The following ARMC6 variants were observed in gnomAD, a reference collection of about 807,000 sequenced individuals.
The protein encoded by ARMC6 is armadillo repeat containing 6.
A neutral mutation model predicts 49.2 loss-of-function variants in ARMC6; 43 were observed. The ratio of observed to expected loss-of-function variants is 0.87; its 90% CI spans 0.69 to 1.13. The LOEUF (loss-of-function observed/expected upper bound fraction) is 1.13, where lower values mean the gene tolerates loss of function less well. Ranked by LOEUF, ARMC6 falls within the 50% of genes most tolerant of loss-of-function variation. The probability of loss-of-function intolerance (pLI) is 0.00; values close to 1 mark genes in which losing one functional copy is unlikely to be tolerated. For synonymous variants in ARMC6, 262 were observed against 289.6 expected (o/e 0.90, Z 0.97); for missense variants, 627 against 682.0 (o/e 0.92, Z 0.90).
In ARMC6 at chr19:19,054,394, C is replaced by G. The variant is rs1314470588; in HGVS notation, c.1023+73C>G. 12 of 1,361,634 alleles carry G rather than the reference C, an allele frequency of 8.8e-6. No homozygotes were observed. In the Admixed American group the frequency reaches 3.7e-4, roughly 41 times the overall value. 84.3% of individuals were successfully genotyped at this position (1,361,634 alleles called of 1,614,324 possible). On this transcript the variant is annotated intron_variant, in intron 6 of 8. Transcript: ENST00000535612. ...TCAACCGGACGAGCTATAGTCAGAACAAGCCAGCCCTGCCTGCCAGTGTCG... is the reference window on the plus strand; with the variant it reads ...TCAACCGGACGAGCTATAGTCAGAAGAAGCCAGCCCTGCCTGCCAGTGTCG...
rs1402226253 is a variant in ARMC6 at position 19,042,704 on chromosome 19, C to T, written c.30-7C>T. The T allele has an allele frequency of 3.7e-6, 6 of 1,612,150 alleles. No individual in the cohort carries two copies. Among genetic ancestry groups the T allele is most frequent in the Non-Finnish European group, 5.1e-6 (6 of 1,179,996 alleles). On this transcript the variant is annotated splice_region_variant and splice_polypyrimidine_tract_variant and intron_variant, in intron 2 of 8. Transcript: ENST00000535612. ...GAGGTAGCTCTCTCTTTGCCCTAAC[C>T]TCTCAGCTCAGGAGCATCTATCGGC...
At chr19:19,049,720 C>T (rs1022619893) in intron 4 of ARMC6, among the ~76,000 whole-genome samples, 3 of 152,172 alleles carry the variant, frequency 2.0e-5, no homozygotes, top group Non-Finnish European at 4.4e-5. Context: ...TACTCCAGGA[C>T]CTCATATAAA....
intron 2 of ARMC6, among the ~76,000 whole-genome samples, chr19:19,035,111 G>A (rs1387709397): frequency 2.0e-5 from 3 of 152,136 alleles, no homozygotes; most frequent in East Asian, 1.9e-4. Context: ...TGATCCGCCC[G>A]CTTCGGCCTC....
intron 4 of ARMC6, among the ~76,000 whole-genome samples, chr19:19,044,607 C>T (rs971291801): frequency 1.4e-4 from 22 of 152,360 alleles, no homozygotes; most frequent in African/African-American, 5.1e-4. Context: ...TCAATGCTTT[C>T]CGTAAGGTCG....
In ARMC6 at chr19:19,034,121, A is replaced by G; in HGVS notation, c.-79-10A>G. 3.6e-6 allele frequency: 3 copies of G among 822,624 alleles called. No homozygotes were observed. Among genetic ancestry groups the G allele is most frequent in the Non-Finnish European group, 5.9e-6 (3 of 505,976 alleles). The allele number at this position is 822,624 out of a possible 1,614,324, so 51.0% of individuals were successfully genotyped here. A position where few individuals can be genotyped will look rare whatever the true frequency, so the allele number is the denominator to read the frequency against. The stretch of plus-strand genomic sequence containing the variant: ...CGCTTTATTTTCATTCATTTTATTT[A>G]TTCATTCAGCACCTGTGCACTGAGT... On this transcript the variant is annotated splice_polypyrimidine_tract_variant and intron_variant, in intron 1 of 8. Transcript: ENST00000535612.
chr19:19,057,774 G>A lies in ARMC6; in HGVS notation c.*146G>A. On this transcript the variant is annotated 3_prime_UTR_variant, in exon 9 of 9. Transcript: ENST00000535612. ...GGCAGGCCCTAGGTAAAGGGTCGGG[G>A]GAGGGGGGAGCCTTGTAGGGAGGCC... 1.1e-6 allele frequency: 1 copy of A among 900,660 alleles called. No homozygotes were observed. Among genetic ancestry groups the A allele is most frequent in the Non-Finnish European group, 1.8e-6 (1 of 547,514 alleles). The allele number at this position is 900,660 out of a possible 1,614,324, so 55.8% of individuals were successfully genotyped here.
intron 5 of ARMC6, among the ~76,000 whole-genome samples, chr19:19,053,342 C>T (rs1568496045): frequency 6.6e-6 from 1 of 152,128 alleles, no homozygotes; most frequent in Non-Finnish European, 1.5e-5. Flanking sequence ...ACAAAAATTG[C>T]TGGGCGTGGT....
At chr19:19,055,000 CAG>C in intron 6 of ARMC6, among the ~76,000 whole-genome samples, 1 of 152,218 alleles carries the variant, frequency 6.6e-6, no homozygotes, top group East Asian at 1.9e-4. Context: ...TGGCCGTGGA[CAG>C]GGGGACCCTG....
chr19:19,046,365 T>C (rs2059450558), intron 4 of ARMC6, among the ~76,000 whole-genome samples: 1 of 151,672 alleles, frequency 6.6e-6, no homozygotes, highest in South Asian at 2.1e-4. Flanking sequence ...CCCGGCTAAT[T>C]TTTTGTATTT....
intron 5 of ARMC6, among the ~76,000 whole-genome samples, chr19:19,052,780 T>C (rs963854653): frequency 2.6e-5 from 4 of 152,134 alleles, no homozygotes; most frequent in African/African-American, 9.7e-5. Context: ...AGTTCCCCTT[T>C]CTTGCCTGCC....
At chr19:19,047,009 A>C (rs2059457659) in intron 4 of ARMC6, among the ~76,000 whole-genome samples, 1 of 138,916 alleles carries the variant, frequency 7.2e-6, no homozygotes, top group African/African-American at 2.7e-5. Flanking sequence ...GCTAGAGTGC[A>C]ATGGCAGGAT....
intron 5 of ARMC6, 73 bp from the exon 6 acceptor site, chr19:19,054,079 G>A: frequency 7.1e-7 from 1 of 1,399,162 alleles, no homozygotes; most frequent in Non-Finnish European, 9.5e-7. Context: ...AGTGGAGCAG[G>A]ATCTCCACCA....
At chr19:19,034,296 T>C (rs1201471875) in intron 2 of ARMC6, 58 bp downstream of exon 2, 13 of 1,569,950 alleles carry the variant, frequency 8.3e-6, no homozygotes, top group East Asian at 2.3e-5. Context: ...CTGCTCTTTA[T>C]CTAGAAGTGG....
intron 2 of ARMC6, chr19:19,040,629 A>C: frequency 3.4e-6 from 1 of 296,566 alleles, no homozygotes; most frequent in South Asian, 2.5e-5. Flanking sequence ...TATTTGTTTT[A>C]GTATTATGAA....
At chr19:19,050,094 G>A (rs2059483714) in intron 4 of ARMC6, among the ~76,000 whole-genome samples, 1 of 152,172 alleles carries the variant, frequency 6.6e-6, no homozygotes, top group South Asian at 2.1e-4. Context: ...ATTTCACTTA[G>A]CGTAATGTCC....
In ARMC6 at chr19:19,051,649, G is replaced by A. The variant is rs1239257662; in HGVS notation, c.307G>A (p.Ala103Thr). 4 of 1,607,848 alleles carry A rather than the reference G, an allele frequency of 2.5e-6. No homozygotes were observed. The South Asian group carries it at 3.3e-5, about 13-fold the overall frequency. ...GCTCAGTGACCTCCAGGAGTCTGTG[G>A]CCAGCTCTCGCCCCCAGGAGGTGTC... Reference protein sequence around the residue: ...QMLSDLQESVASSRPQEVSAY... With the variant: ...QMLSDLQESVTSSRPQEVSAY... The change falls in exon 5 of 9, where the codon GCC becomes ACC. Residue 103 changes from alanine to threonine, a missense_variant. Transcript: ENST00000535612.
Position 19,044,032 on chromosome 19 carries a change from C to T in ARMC6, c.237C>T (p.Val79=), listed in dbSNP as rs143674751. ...LSNIVKTAPK[V]SADGSQEPTH... is the part of the protein sequence containing the mutation. ...ACATTGTAAAGACGGCACCTAAAGT[C>T]TCTGCAGACGGATCCCAGGAGCCCA... Residue 79 remains valine, a synonymous_variant, in exon 4 of 9, where the codon GTC becomes GTT. Coordinates refer to ENST00000535612, the MANE Select transcript of ARMC6 (RefSeq NM_001199196.2). 2.0e-4 allele frequency: 326 copies of T among 1,614,030 alleles called. 1 individual carries two copies. Among genetic ancestry groups the T allele is most frequent in the Non-Finnish European group, 2.5e-4 (298 of 1,180,022 alleles).
In ARMC6 at chr19:19,045,641, C is replaced by T. The variant is rs913551262; in HGVS notation, c.279+1567C>T. Among the ~76,000 whole-genome samples the T allele has an allele frequency of 2.9e-5, 4 of 136,534 alleles. No individual in the cohort carries two copies. The East Asian group carries it at 9.2e-4, about 31-fold the overall frequency. 89.6% of individuals were successfully genotyped at this position (136,534 alleles called of 152,430 possible). A position where few individuals can be genotyped will look rare whatever the true frequency, so the allele number is the denominator to read the frequency against. ...TAGCTGGGATTACAGGTGCACACCA[C>T]CATGCCCAGCTAATTTTTTTTTTTT... On this transcript the variant is annotated intron_variant, in intron 4 of 8. Transcript: ENST00000535612.
chr19:19,033,991 G>C, intron 1 of ARMC6, 61 bp downstream of exon 1: 1 of 550,030 alleles, frequency 1.8e-6, no homozygotes, highest in South Asian at 2.0e-5. Flanking sequence ...GGTGCCGCAG[G>C]GTCGGGCTGG....
Sources: allele counts gnomAD v4.1 joint callset (sites outside exome capture counted in the v4.1 genomes callset), GRCh38; gene constraint gnomAD v4.1.1; transcripts MANE v1.5; gene names NCBI Gene and HGNC (gene_info 2026-07-23, HGNC 2026-07-21).